Variants in GRHL3 observed in about 807,000 individuals in gnomAD.
GRHL3 encodes the protein grainyhead-like protein 3 homolog.
GRHL3 carries 20 observed loss-of-function variants against 70.3 expected under a neutral mutation model. The observed-to-expected ratio is 0.28, with a 90% CI of 0.20 to 0.41. GRHL3 has a LOEUF of 0.41. GRHL3 is among the 10% of genes least tolerant of loss of function. GRHL3 has a pLI of 1.00. For synonymous variants in GRHL3, 299 were observed against 299.9 expected (o/e 1.00, Z 0.03); for missense variants, 637 against 762.3 (o/e 0.84, Z 1.94).
downstream of GRHL3, chr1:24,358,252 C>A (rs1397161758): frequency 3.1e-5 from 19 of 622,284 alleles, no homozygotes; most frequent in African/African-American, 5.4e-5. Flanking sequence ...CGGAAGGCAG[C>A]CTGGATGGGT....
intron 8 of GRHL3, among the ~76,000 whole-genome samples, chr1:24,340,166 T>C (rs762465951): frequency 1.1e-4 from 17 of 152,256 alleles, no homozygotes; most frequent in Admixed American, 3.3e-4. Context: ...ATGGGAAAAC[T>C]GAGCCTTTTG....
intron 14 of GRHL3, 68 bp from the exon 15 acceptor site, chr1:24,349,990 T>C: frequency 1.7e-6 from 2 of 1,199,474 alleles, no homozygotes; most frequent in Non-Finnish European, 2.4e-6. Context: ...AAAAAAGTGA[T>C]GGCATAAAAG....
rs918223194 is a variant in GRHL3, at chr1:24,337,070, C to A, written c.613-8C>A. ...CATTTATTCTCTTGGGGCTGTGTTT[C>A]TCTGCAGTCGATGCTCTTCCCAGAT... On this transcript the variant is annotated splice_region_variant and splice_polypyrimidine_tract_variant and intron_variant, in intron 4 of 15. Coordinates refer to ENST00000361548, the MANE Select transcript of GRHL3 (RefSeq NM_198173.3). 6.2e-7 allele frequency: 1 copy of A among 1,613,394 alleles called. No homozygotes were observed. Among genetic ancestry groups the A allele is most frequent in the African/African-American group, 1.3e-5 (1 of 74,900 alleles).
Position 24,342,151 on chromosome 1 carries a change from T to A in GRHL3, c.1084T>A (p.Ser362Thr). The A allele has an allele frequency of 6.2e-7, 1 of 1,609,766 alleles. No homozygotes were observed. The highest frequency in any genetic ancestry group is 1.1e-5 in the South Asian group (1 of 90,360). Residue 362 changes from serine (S) to threonine (T), a missense_variant, in exon 9 of 16, where the codon TCC becomes ACC. By Grantham distance (58) the Ser-to-Thr change is moderately conservative. Around this residue, in one of 2 missense-constraint regions of GRHL3, gnomAD observed 387 missense variants for 513.8 expected, o/e 0.75. Transcript: ENST00000361548. This position sits in a 1 kb window ranked among gnomAD's most constrained non-coding sequence, Gnocchi z 4.8. ...IGVNCLSTDF[S>T]SQKGVKGVPL... ...CGTAAACTGTCTGAGCACAGACTTT[T>A]CCTCACAAAAGGGGGTGAAGGGTGT...
At position 24,334,474 on chromosome 1, in the gene GRHL3, C is replaced by T. The variant is rs985702091; in HGVS notation, c.205-171C>T. On this transcript the variant is annotated intron_variant, in intron 2 of 15. Coordinates refer to ENST00000361548, the MANE Select transcript of GRHL3 (RefSeq NM_198173.3). The surrounding 1 kb of genome is among the most constrained non-coding windows in gnomAD (Gnocchi z 4.3). Reference sequence around the variant, plus strand: ...CCACCCCCATCATGCAATTACCTCCCACTCCCATGTGATTATGGGAACTAC... The same window carrying T: ...CCACCCCCATCATGCAATTACCTCCTACTCCCATGTGATTATGGGAACTAC... 1.3e-5 allele frequency among the ~76,000 whole-genome samples: 2 copies of T among 152,100 alleles called. No homozygotes were observed. The highest frequency in any genetic ancestry group is 4.8e-5 in the African/African-American group (2 of 41,388).
chr1:24,337,593 G>A (rs766865625), intron 5 of GRHL3, 43 bp from the exon 6 acceptor site: 58 of 1,608,282 alleles, frequency 3.6e-5, no homozygotes, highest in African/African-American at 1.3e-5. Context: ...GAGACTTCCT[G>A]CCTGGGAGCC....
At chr1:24,349,292 G>T (rs1309357438) in intron 14 of GRHL3, among the ~76,000 whole-genome samples, 2 of 152,170 alleles carry the variant, frequency 1.3e-5, no homozygotes, top group Non-Finnish European at 2.9e-5. Flanking sequence ...CAACATTTTC[G>T]GATGTGACGG....
At chr1:24,323,113 T>C in intron 1 of GRHL3, 1 of 1,524,942 alleles carries the variant, frequency 6.6e-7, no homozygotes, top group Non-Finnish European at 8.9e-7. Flanking sequence ...TCTTCCTATT[T>C]TTCTGTAGGT....
chr1:24,319,779 C>G, intron 1 of GRHL3: 1 of 1,427,418 alleles, frequency 7.0e-7, no homozygotes, highest in Admixed American at 2.5e-5. Flanking sequence ...TAGTTTTTCT[C>G]ATTCTCTTTG....
At chr1:24,320,456 G>T (rs2148641448) in intron 1 of GRHL3, among the ~76,000 whole-genome samples, 1 of 152,316 alleles carries the variant, frequency 6.6e-6, no homozygotes, top group South Asian at 2.1e-4. Flanking sequence ...GGTAGGGTGA[G>T]GCTGGGATCT....
At chr1:24,347,652 T>C in intron 14 of GRHL3, 99 bp downstream of exon 14, 1 of 1,005,136 alleles carries the variant, frequency 9.9e-7, no homozygotes, top group Non-Finnish European at 1.6e-6. Flanking sequence ...GGAGGGAACC[T>C]TGGCATGCCG....
chr1:24,346,739 G>A (rs567791991), intron 13 of GRHL3, 98 bp downstream of exon 13: 33 of 887,462 alleles, frequency 3.7e-5, no homozygotes, highest in African/African-American at 1.2e-4. Context: ...GGCACGAGGC[G>A]CTGCCTTACC....
rs956907873 is a variant in GRHL3, at chr1:24,355,273, CGTG to C, written c.*788_*790del. ...TTCAGTGATGCATTTTGTATACTCA[CGTG>C]GTATTTAGTAATAAAAATCTATCTA... On this transcript the variant is annotated 3_prime_UTR_variant, in exon 16 of 16. Transcript: ENST00000361548. The C allele has an allele frequency of 6.6e-6, 1 of 152,530 alleles. No individual in the cohort carries two copies. Among genetic ancestry groups the C allele is most frequent in the Non-Finnish European group, 1.5e-5 (1 of 68,024 alleles). The allele number at this position is 152,530 out of a possible 1,614,324, so 9.4% of individuals were successfully genotyped here. A position where few individuals can be genotyped will look rare whatever the true frequency, so the allele number is the denominator to read the frequency against.
rs533667370 is a variant in GRHL3, at chr1:24,322,829, G to A, written c.17+3261G>A. ...CTGACTCCGCATCTGACATTGTGTC[G>A]AGTGCTTGATAAATACACGCTCTTC... On this transcript the variant is annotated intron_variant, in intron 1 of 15. Coordinates refer to ENST00000361548, the MANE Select transcript of GRHL3 (RefSeq NM_198173.3). This position sits in a 1 kb window ranked among gnomAD's most constrained non-coding sequence, Gnocchi z 4.4. Among the ~76,000 whole-genome samples, 1 of 152,334 alleles carries A rather than the reference G, an allele frequency of 6.6e-6. No individual in the cohort carries two copies. The highest frequency in any genetic ancestry group is 2.4e-5 in the African/African-American group (1 of 41,564).
chr1:24,333,902 T>C (rs1639699793), intron 2 of GRHL3, among the ~76,000 whole-genome samples: 1 of 152,210 alleles, frequency 6.6e-6, no homozygotes, highest in Non-Finnish European at 1.5e-5. Context: ...GGGAGTATTT[T>C]TTATTAACAA....
At position 24,342,175 on chromosome 1, in the gene GRHL3, G is replaced by A; in HGVS notation, c.1108G>A (p.Val370Ile). ...TTCCTCACAAAAGGGGGTGAAGGGT[G>A]TCCCCCTGAACCTGCAGATTGACAC... ...DFSSQKGVKG[V>I]PLNLQIDTYD... Residue 370 changes from valine to isoleucine, a missense_variant, in exon 9 of 16, where the codon GTC becomes ATC. This residue lies in a region of GRHL3 where 387 missense variants were observed against 513.8 expected (regional missense o/e 0.75). Transcript: ENST00000361548. This position sits in a 1 kb window ranked among gnomAD's most constrained non-coding sequence, Gnocchi z 4.8. The A allele has an allele frequency of 3.7e-6, 6 of 1,613,082 alleles. No homozygotes were observed. Among genetic ancestry groups the A allele is most frequent in the Non-Finnish European group, 3.4e-6 (4 of 1,179,372 alleles).
Position 24,319,385 on chromosome 1 carries a change from T to C in GRHL3, c.-167T>C. On this transcript the variant is annotated 5_prime_UTR_variant, in exon 1 of 16. Coordinates refer to ENST00000361548, the MANE Select transcript of GRHL3 (RefSeq NM_198173.3). ...CGCCGGCACCTGTACCTGTAGCCAA[T>C]CAGCGCCAGCGCTGCTGGGAACCTA... The C allele has an allele frequency of 1.3e-6, 1 of 741,786 alleles. No homozygotes were observed. The highest frequency in any genetic ancestry group is 2.4e-6 in the Non-Finnish European group (1 of 417,684). The allele number at this position is 741,786 out of a possible 1,614,324, so 46.0% of individuals were successfully genotyped here.
chr1:24,362,162 T>C (rs538469835), intron 15 of GRHL3, among the ~76,000 whole-genome samples: 1 of 152,186 alleles, frequency 6.6e-6, no homozygotes, highest in Non-Finnish European at 1.5e-5. Flanking sequence ...GGACTTGGGA[T>C]TCCTGGCCAC....
chr1:24,332,091 C>T (rs1639635487), intron 2 of GRHL3, among the ~76,000 whole-genome samples: 1 of 152,096 alleles, frequency 6.6e-6, no homozygotes, highest in Non-Finnish European at 1.5e-5. Flanking sequence ...ACTCTCATAC[C>T]CCACCATCTT....
Sources: gnomAD v4.1 joint callset for allele counts (sites outside exome capture counted in the v4.1 genomes callset) on GRCh38, gnomAD v4.1.1 for gene constraint, gnomAD v4.1.1 regional missense constraint, Gnocchi (gnomAD v3.1) non-coding constraint, MANE v1.5 for transcripts, NCBI Gene and HGNC (gene_info 2026-07-23, HGNC 2026-07-21) for gene names.